The following TAB2 variants were observed in gnomAD, a reference collection of about 807,000 sequenced individuals.
TAB2 encodes the protein TGF-beta-activated kinase 1 and MAP3K7-binding protein 2.
TAB2 carries 3 observed loss-of-function variants against 65.0 expected under a neutral mutation model. The observed-to-expected ratio is 0.05, with a 90% confidence interval of 0.02 to 0.12. The LOEUF (loss-of-function observed/expected upper bound fraction) is 0.12. TAB2 is among the 10% of genes least tolerant of loss of function. TAB2 has a pLI of 1.00. For synonymous variants in TAB2, 298 were observed against 285.1 expected, an observed-to-expected ratio of 1.05 and a Z score of -0.46; for missense variants, 623 against 840.3, an observed-to-expected ratio of 0.74 and a Z score of 3.20.
intron 1 of TAB2, among the ~76,000 whole-genome samples, chr6:149,240,861 G>T (rs1019106336): frequency 3.9e-5 from 6 of 152,030 alleles, no homozygotes; most frequent in Non-Finnish European, 7.4e-5. Context: ...TGGATTAAAT[G>T]GTCATGCCCC....
intron 1 of TAB2, among the ~76,000 whole-genome samples, chr6:149,350,989 T>TAC: frequency 6.6e-6 from 1 of 152,198 alleles, no homozygotes; most frequent in Non-Finnish European, 1.5e-5. Flanking sequence ...CCATCCTGAG[T>TAC]ACCTTCTTCA....
chr6:149,295,575 T>C (rs1314784453), intron 1 of TAB2, among the ~76,000 whole-genome samples: 2 of 152,228 alleles, frequency 1.3e-5, no homozygotes, highest in Non-Finnish European at 2.9e-5. Flanking sequence ...TTCTATATGT[T>C]GTTTTCAGGA....
intron 1 of TAB2, among the ~76,000 whole-genome samples, chr6:149,295,335 C>G (rs781493937): frequency 5.1e-4 from 77 of 152,102 alleles, no homozygotes; most frequent in Non-Finnish European, 1.0e-3. Context: ...GTAAGGATTT[C>G]TTTTTGGTTT....
chr6:149,219,447 G>A (rs1777095236), intron 1 of TAB2, among the ~76,000 whole-genome samples: 1 of 152,122 alleles, frequency 6.6e-6, no homozygotes, highest in Admixed American at 6.5e-5. Context: ...AAACTTAAGA[G>A]ACTAGTTTGC....
At chr6:149,252,399 T>G (rs1239805908) in intron 1 of TAB2, among the ~76,000 whole-genome samples, 1 of 85,572 alleles carries the variant, frequency 1.2e-5, no homozygotes, top group African/African-American at 5.6e-5. Flanking sequence ...AAACTCTGCC[T>G]CAAAAAAAAA....
intron 1 of TAB2, among the ~76,000 whole-genome samples, chr6:149,343,693 A>G (rs484969): frequency 0.87 from 132,511 of 152,126 alleles, 57,791 homozygotes; most frequent in Middle Eastern, 0.97. Flanking sequence ...GAGTGTAACA[A>G]CAAAACCAAA....
At chr6:149,270,577 T>C (rs1336254318) in intron 1 of TAB2, among the ~76,000 whole-genome samples, 3 of 151,186 alleles carry the variant, frequency 2.0e-5, no homozygotes, top group Non-Finnish European at 2.9e-5. Context: ...AGATTTAACA[T>C]TCTACAATCT....
At chr6:149,308,977 C>G (rs529519555) in intron 1 of TAB2, among the ~76,000 whole-genome samples, 150 of 151,988 alleles carry the variant, frequency 9.9e-4, no homozygotes, top group African/African-American at 3.6e-3. Flanking sequence ...TCACCGTATA[C>G]ATAGCCAGCC....
At chr6:149,373,386 A>G (rs1216203240) in intron 2 of TAB2, among the ~76,000 whole-genome samples, 2 of 152,188 alleles carry the variant, frequency 1.3e-5, no homozygotes, top group African/African-American at 2.4e-5. Context: ...TTTAAGTGCC[A>G]TGTACTTAGT....
At chr6:149,266,351 G>A (rs181154502) in intron 1 of TAB2, among the ~76,000 whole-genome samples, 1 of 152,152 alleles carries the variant, frequency 6.6e-6, no homozygotes, top group Non-Finnish European at 1.5e-5. Flanking sequence ...AAGCATTCTG[G>A]TCCACTTGGC....
At chr6:149,377,492 G>A (rs1781444122) in intron 2 of TAB2, among the ~76,000 whole-genome samples, 1 of 152,046 alleles carries the variant, frequency 6.6e-6, no homozygotes, top group Non-Finnish European at 1.5e-5. Context: ...AGCGTGTGAA[G>A]GATTGAGATG....
At chr6:149,400,454 G>C in intron 6 of TAB2, 5 of 1,614,254 alleles carry the variant, frequency 3.1e-6, no homozygotes, top group Non-Finnish European at 3.4e-6. Flanking sequence ...TTAATTTGAA[G>C]GTGGCGGGAC....
At chr6:149,339,584 T>C in intron 1 of TAB2, among the ~76,000 whole-genome samples, 1 of 31,518 alleles carries the variant, frequency 3.2e-5, no homozygotes, top group East Asian at 9.6e-4. Context: ...TAATTAATCT[T>C]TTTTATTTAT....
chr6:149,280,931 CAAAA>C (rs9322172), intron 1 of TAB2, among the ~76,000 whole-genome samples: 16 of 115,030 alleles, frequency 1.4e-4, no homozygotes, highest in African/African-American at 2.3e-4. Flanking sequence ...GACCTCGTCT[CAAAA>C]AAAAAAAAAA....
intron 1 of TAB2, among the ~76,000 whole-genome samples, chr6:149,220,088 G>A (rs1777108835): frequency 6.6e-6 from 1 of 152,168 alleles, no homozygotes; most frequent in Admixed American, 6.5e-5. Flanking sequence ...AGATGTGTAT[G>A]TTTTTATAAA....
At chr6:149,358,436 G>C (rs571214089) in intron 1 of TAB2, among the ~76,000 whole-genome samples, 2 of 152,236 alleles carry the variant, frequency 1.3e-5, no homozygotes, top group South Asian at 2.1e-4. Context: ...CATATCTTCA[G>C]ATTAGGGATG....
intron 1 of TAB2, among the ~76,000 whole-genome samples, chr6:149,332,730 A>T (rs915465901): frequency 2.6e-5 from 4 of 152,340 alleles, no homozygotes; most frequent in African/African-American, 9.6e-5. Flanking sequence ...AAAAATAAAG[A>T]TGAAAAACAG....
In TAB2 at chr6:149,366,607, A is replaced by G. The variant is rs150820837; in HGVS notation, c.-89-3302A>G. 5.2e-3 allele frequency among the ~76,000 whole-genome samples: 793 copies of G among 152,268 alleles called. 4 individuals carry two copies. The highest frequency in any genetic ancestry group is 0.018 in the African/African-American group (752 of 41,564). On this transcript the variant is annotated intron_variant, in intron 1 of 6. Transcript: ENST00000637181. ...GTTACCCTTGCTGTTTCCTTCTTCC[A>G]AGTGCTGACCCCTTTTTCTTCCCTC...
At chr6:149,365,009 A>G (rs1036688601) in intron 1 of TAB2, among the ~76,000 whole-genome samples, 3 of 151,994 alleles carry the variant, frequency 2.0e-5, no homozygotes, top group African/African-American at 4.8e-5. Context: ...AACCGTTCCA[A>G]TATGTCTACT....
Sources: gnomAD v4.1 joint callset for allele counts (sites outside exome capture counted in the v4.1 genomes callset) on GRCh38, gnomAD v4.1.1 for gene constraint, MANE v1.5 for transcripts, NCBI Gene and HGNC (gene_info 2026-07-23, HGNC 2026-07-21) for gene names.